The following FAM163A variants were observed in gnomAD, a reference collection of about 807,000 sequenced individuals.
FAM163A encodes protein FAM163A.
Under a neutral mutation model 12.0 loss-of-function variants are expected in FAM163A, and 7 were observed. The ratio of observed to expected loss-of-function variants is 0.58; its 90% CI spans 0.33 to 1.10. FAM163A has a LOEUF of 1.10. FAM163A is among the 50% of genes least tolerant of loss of function. The pLI, the probability that FAM163A is intolerant of heterozygous loss-of-function variation, is 0.03. For missense variants in FAM163A, 202 were observed against 218.6 expected (o/e 0.92, Z 0.48); for synonymous variants, 101 against 91.0 (o/e 1.11, Z -0.62).
chr1:179,808,841 A>C (rs1245514586), intron 2 of FAM163A, among the ~76,000 whole-genome samples: 1 of 152,202 alleles, frequency 6.6e-6, no homozygotes, highest in Non-Finnish European at 1.5e-5. Flanking sequence ...GTTTGGGTGT[A>C]AGGAGATATT....
At chr1:179,797,996 G>A (rs1418390401) in intron 1 of FAM163A, among the ~76,000 whole-genome samples, 1 of 152,142 alleles carries the variant, frequency 6.6e-6, no homozygotes, top group African/African-American at 2.4e-5. Context: ...TTGGGAGACC[G>A]AGGCAGGTAG....
At chr1:179,781,445 G>A (rs1008934891) in intron 1 of FAM163A, among the ~76,000 whole-genome samples, 5 of 151,572 alleles carry the variant, frequency 3.3e-5, no homozygotes, top group Non-Finnish European at 7.4e-5. Context: ...CAGAGTTCTC[G>A]GTTGGTTGAC....
intron 1 of FAM163A, among the ~76,000 whole-genome samples, chr1:179,768,851 G>A (rs923118725): frequency 5.9e-5 from 9 of 152,136 alleles, no homozygotes; most frequent in Non-Finnish European, 1.3e-4. Flanking sequence ...TGATCCGCCT[G>A]TCTCAGCCTC....
At chr1:179,745,772 G>T (rs1684382579) in intron 1 of FAM163A, among the ~76,000 whole-genome samples, 1 of 152,164 alleles carries the variant, frequency 6.6e-6, no homozygotes, top group Non-Finnish European at 1.5e-5. Context: ...TAGGGTAAAC[G>T]ATTTGCCAAG....
intron 1 of FAM163A, among the ~76,000 whole-genome samples, chr1:179,798,819 T>A (rs1181269551): frequency 6.6e-6 from 1 of 152,194 alleles, no homozygotes; most frequent in East Asian, 1.9e-4. Flanking sequence ...CTTGTGTATA[T>A]CCTTCTGTGA....
At chr1:179,774,907 T>C (rs1688736096) in intron 1 of FAM163A, among the ~76,000 whole-genome samples, 1 of 152,206 alleles carries the variant, frequency 6.6e-6, no homozygotes, top group African/African-American at 2.4e-5. Flanking sequence ...CCCATAGTGT[T>C]ACCGGTAGCA....
chr1:179,778,710 C>G (rs757234438), intron 1 of FAM163A, among the ~76,000 whole-genome samples: 4 of 152,072 alleles, frequency 2.6e-5, no homozygotes, highest in Non-Finnish European at 2.9e-5. Context: ...TAGCTAGACA[C>G]TCAGGCTGCA....
intron 1 of FAM163A, among the ~76,000 whole-genome samples, chr1:179,759,991 A>G (rs2504053): frequency 0.5 from 76,321 of 151,956 alleles, 20,181 homozygotes; most frequent in South Asian, 0.62. Context: ...TTTGTAAAGC[A>G]TGATATTCTA....
chr1:179,779,808 A>G (rs919553184), intron 1 of FAM163A, among the ~76,000 whole-genome samples: 3 of 152,210 alleles, frequency 2.0e-5, no homozygotes, highest in Non-Finnish European at 4.4e-5. Flanking sequence ...AAAGTGGAGG[A>G]TATGTTGGTT....
At chr1:179,760,339 T>C (rs1213009610) in intron 1 of FAM163A, among the ~76,000 whole-genome samples, 2 of 152,074 alleles carry the variant, frequency 1.3e-5, no homozygotes, top group African/African-American at 4.8e-5. Context: ...GAGCCCAAAA[T>C]CTATCAATAT....
the FAM163A span, among the ~76,000 whole-genome samples, chr1:179,731,785 A>G: frequency 6.6e-6 from 1 of 152,250 alleles, no homozygotes; most frequent in South Asian, 2.1e-4. Flanking sequence ...TAAATACATT[A>G]AAGTCATATT....
At chr1:179,734,077 TA>T in the FAM163A span, among the ~76,000 whole-genome samples, 2 of 152,208 alleles carry the variant, frequency 1.3e-5, no homozygotes, top group African/African-American at 4.8e-5. Flanking sequence ...GCAAAATGAA[TA>T]AATATTGACA....
intron 1 of FAM163A, 119 bp downstream of exon 1, chr1:179,743,542 C>CT (rs1683957440): frequency 6.6e-6 from 1 of 152,276 alleles, no homozygotes; most frequent in South Asian, 2.1e-4. Flanking sequence ...CCACCGCGTA[C>CT]TTTCGAGGGC....
chr1:179,745,954 A>G (rs1684409213), intron 1 of FAM163A, among the ~76,000 whole-genome samples: 1 of 152,170 alleles, frequency 6.6e-6, no homozygotes, highest in African/African-American at 2.4e-5. Context: ...GATCCAAGAG[A>G]TATTTATAAC....
the FAM163A span, among the ~76,000 whole-genome samples, chr1:179,727,776 T>C: frequency 6.6e-6 from 1 of 152,312 alleles, no homozygotes; most frequent in South Asian, 2.1e-4. Flanking sequence ...ATGAGAACAC[T>C]GACATAATCT....
intron 1 of FAM163A, among the ~76,000 whole-genome samples, chr1:179,764,352 A>G (rs61828395): frequency 0.11 from 16,701 of 152,224 alleles, 1,020 homozygotes; most frequent in Non-Finnish European, 0.13. Context: ...ATTTTGAGGA[A>G]CAGAGAAACT....
At chr1:179,813,291 G>A in intron 4 of FAM163A, 101 bp downstream of exon 4, 1 of 1,148,200 alleles carries the variant, frequency 8.7e-7, no homozygotes, top group Non-Finnish European at 1.3e-6. Flanking sequence ...GGCCCACAGA[G>A]CCCAAAGCTA....
intron 1 of FAM163A, among the ~76,000 whole-genome samples, chr1:179,773,909 G>A (rs1034249735): frequency 2.0e-5 from 3 of 152,206 alleles, no homozygotes; most frequent in African/African-American, 4.8e-5. Context: ...ACTAAACAGA[G>A]AATGAAAATG....
rs549803306 is a variant in FAM163A, at chr1:179,767,836, A to T, written c.-136+24413A>T. 8.5e-5 allele frequency among the ~76,000 whole-genome samples: 13 copies of T among 152,324 alleles called. No individual in the cohort carries two copies. The South Asian group carries it at 2.1e-3, about 24-fold the overall frequency. On this transcript the variant is annotated intron_variant, in intron 1 of 4. Coordinates refer to ENST00000341785, the MANE Select transcript of FAM163A (RefSeq NM_173509.3). ...CAGAAGGGACCTCAGAAGTTTTTTTAAAAAATTTATTGTGGTTAAAAAAAG... is the reference window on the plus strand; with the variant it reads ...CAGAAGGGACCTCAGAAGTTTTTTTTAAAAATTTATTGTGGTTAAAAAAAG...
Sources: allele counts gnomAD v4.1 joint callset (sites outside exome capture counted in the v4.1 genomes callset), GRCh38; gene constraint gnomAD v4.1.1; transcripts MANE v1.5; gene names NCBI Gene and HGNC (gene_info 2026-07-23, HGNC 2026-07-21).